DGLUCY: variants seen among roughly 807,000 people sequenced by gnomAD.
DGLUCY encodes the protein D-glutamate cyclase, mitochondrial.
In DGLUCY, 58 loss-of-function variants were observed where a neutral mutation model predicts 58.5. The observed-to-expected ratio is 0.99, with a 90% CI of 0.80 to 1.23. The LOEUF is 1.23. Among genes scored for constraint, DGLUCY ranks in the 50% most tolerant of loss-of-function variants. The probability of loss-of-function intolerance (pLI) is 0.00; values close to 1 mark genes in which losing one functional copy is unlikely to be tolerated. For missense variants in DGLUCY, 779 were observed against 784.7 expected (o/e 0.99, Z 0.09); for synonymous variants, 325 against 314.1 (o/e 1.03, Z -0.37).
chr14:91,117,818 A>G (rs760485077), intron 1 of DGLUCY, among the ~76,000 whole-genome samples: 12 of 152,194 alleles, frequency 7.9e-5, no homozygotes, highest in East Asian at 3.9e-4. Flanking sequence ...ATAGACATCA[A>G]TCAATACATG....
At chr14:91,122,992 A>G (rs1253932958) in intron 1 of DGLUCY, among the ~76,000 whole-genome samples, 10 of 152,178 alleles carry the variant, frequency 6.6e-5, no homozygotes, top group Non-Finnish European at 1.3e-4. Flanking sequence ...TGTGGGCCAT[A>G]AAGACAGATA....
At chr14:91,186,898 G>A (rs61990140) in intron 8 of DGLUCY, among the ~76,000 whole-genome samples, 2,999 of 152,284 alleles carry the variant, frequency 0.02, 42 homozygotes, top group Non-Finnish European at 0.029. Context: ...ATGAGGCCAG[G>A]TCACACAGCT....
Position 91,189,188 on chromosome 14 carries a change from C to T in DGLUCY, c.1195+18C>T, listed in dbSNP as rs748746992. On this transcript the variant is annotated intron_variant, in intron 9 of 13. Transcript: ENST00000256324. ...TGAGCAAGGTAAGCAGTGAGATGGG[C>T]TTGGTCCATTTCCCCAAACGGGCTT... is the stretch of plus-strand genomic sequence containing the variant. 4 of 1,612,786 alleles carry T rather than the reference C, an allele frequency of 2.5e-6. No homozygotes were observed. The highest frequency in any genetic ancestry group is 3.4e-6 in the Non-Finnish European group (4 of 1,179,004).
intron 12 of DGLUCY, among the ~76,000 whole-genome samples, chr14:91,214,917 G>A (rs1296265507): frequency 2.0e-5 from 3 of 152,180 alleles, no homozygotes; most frequent in South Asian, 2.1e-4. Flanking sequence ...TTGGGAGGCC[G>A]AGATGGGTGG....
intron 4 of DGLUCY, chr14:91,167,839 TG>T: frequency 8.2e-6 from 5 of 610,610 alleles, no homozygotes; most frequent in Non-Finnish European, 1.5e-5. Flanking sequence ...ACCTTTCCTA[TG>T]GCACCAGCAC....
intron 1 of DGLUCY, among the ~76,000 whole-genome samples, chr14:91,121,025 G>T (rs1413556220): frequency 6.6e-6 from 1 of 152,048 alleles, no homozygotes; most frequent in Admixed American, 6.6e-5. Context: ...GCATCTCTTT[G>T]TCTATCTTCC....
intron 1 of DGLUCY, among the ~76,000 whole-genome samples, chr14:91,086,528 T>C (rs1351212466): frequency 6.6e-6 from 1 of 152,158 alleles, no homozygotes. Flanking sequence ...CACTGTATCA[T>C]TTAGGGAATA....
At chr14:91,088,390 A>G (rs945731643) in intron 1 of DGLUCY, among the ~76,000 whole-genome samples, 19 of 152,234 alleles carry the variant, frequency 1.2e-4, no homozygotes, top group African/African-American at 4.3e-4. Context: ...CTTCCTGGAA[A>G]GAAGTCTTCC....
At chr14:91,193,812 A>T (rs1374729497) in intron 9 of DGLUCY, among the ~76,000 whole-genome samples, 1 of 151,408 alleles carries the variant, frequency 6.6e-6, no homozygotes, top group East Asian at 1.9e-4. Flanking sequence ...ACTGCACTCC[A>T]GCCTGGGCGA....
At chr14:91,214,294 T>C (rs912505682) in intron 12 of DGLUCY, among the ~76,000 whole-genome samples, 1 of 152,190 alleles carries the variant, frequency 6.6e-6, no homozygotes, top group Non-Finnish European at 1.5e-5. Flanking sequence ...CTAGCACTTA[T>C]TGCTTACCAG....
At chr14:91,081,400 G>A (rs1015117729) in intron 1 of DGLUCY, among the ~76,000 whole-genome samples, 2 of 152,206 alleles carry the variant, frequency 1.3e-5, no homozygotes, top group East Asian at 1.9e-4. Context: ...ATTCATAGAC[G>A]GGAACAAACC....
At chr14:91,060,435 C>G in exon 1 of DGLUCY, 4 of 1,478,270 alleles carry the variant, frequency 2.7e-6, no homozygotes, top group Non-Finnish European at 3.6e-6. Context: ...CCTCCTCCAT[C>G]TTCTCCTTTT....
chr14:91,167,354 C>T lies in DGLUCY; in HGVS notation c.233C>T (p.Pro78Leu), dbSNP rs763344275. The change falls in exon 4 of 14, where the codon CCT becomes CTT. Residue 78 changes from proline (P) to leucine (L), a missense_variant. By Grantham distance (98) the Pro-to-Leu change is moderately conservative (BLOSUM62 -3). Coordinates refer to ENST00000256324, the MANE Select transcript of DGLUCY (RefSeq NM_001102368.3). ...QSEPEKWMLP[P>L]QGAISETRMG... ...GAGCCAGAAAAGTGGATGCTGCCCC[C>T]TCAAGGTGCTATCTCAGAGACCAGG... 4 of 1,614,158 alleles carry T rather than the reference C, an allele frequency of 2.5e-6. No homozygotes were observed. Among genetic ancestry groups the T allele is most frequent in the Non-Finnish European group, 3.4e-6 (4 of 1,180,026 alleles).
intron 1 of DGLUCY, among the ~76,000 whole-genome samples, chr14:91,096,952 A>G (rs748593042): frequency 8.7e-4 from 133 of 152,226 alleles, no homozygotes; most frequent in Admixed American, 2.6e-3. Context: ...AACTCATACA[A>G]TTTCAGATTT....
At chr14:91,089,162 G>C (rs991214931) in intron 1 of DGLUCY, among the ~76,000 whole-genome samples, 3 of 152,178 alleles carry the variant, frequency 2.0e-5, no homozygotes, top group Non-Finnish European at 2.9e-5. Flanking sequence ...TTGCCCTCCT[G>C]CCCACCATGG....
intron 1 of DGLUCY, among the ~76,000 whole-genome samples, chr14:91,061,172 A>C (rs981931654): frequency 2.0e-5 from 3 of 152,178 alleles, no homozygotes; most frequent in African/African-American, 7.2e-5. Flanking sequence ...GGGTCCCGGC[A>C]GCGATCCATG....
chr14:91,146,608 T>G (rs1455559921), intron 1 of DGLUCY, among the ~76,000 whole-genome samples: 1 of 152,092 alleles, frequency 6.6e-6, no homozygotes, highest in African/African-American at 2.4e-5. Context: ...GAGTGGGACA[T>G]TTTTGAAGCC....
intron 1 of DGLUCY, among the ~76,000 whole-genome samples, chr14:91,062,340 A>C (rs1224287991): frequency 1.3e-5 from 2 of 151,684 alleles, no homozygotes; most frequent in African/African-American, 4.8e-5. Flanking sequence ...TGAGGTCAGG[A>C]GTTCAAGACC....
At chr14:91,069,799 C>CTTTTTTTTT (rs5810528) in intron 1 of DGLUCY, among the ~76,000 whole-genome samples, 1 of 121,038 alleles carries the variant, frequency 8.3e-6, no homozygotes, top group Non-Finnish European at 1.7e-5. Flanking sequence ...TGATATGCCT[C>CTTTTTTTTT]TTTTTTTTTT....
Sources: allele counts gnomAD v4.1 joint callset (sites outside exome capture counted in the v4.1 genomes callset), GRCh38; gene constraint gnomAD v4.1.1; transcripts MANE v1.5; gene names NCBI Gene and HGNC (gene_info 2026-07-23, HGNC 2026-07-21).